Variants in MARK3 observed in about 807,000 individuals in gnomAD.
The protein encoded by MARK3 is MAP/microtubule affinity-regulating kinase 3.
Under a neutral mutation model 90.1 loss-of-function variants are expected in MARK3, and 46 were observed. The ratio of observed to expected loss-of-function variants is 0.51; its 90% confidence interval spans 0.40 to 0.65. The LOEUF (loss-of-function observed/expected upper bound fraction) is 0.65. Among genes scored for constraint, MARK3 ranks in the 30% least tolerant of loss-of-function variants. The pLI is 0.00. For missense variants in MARK3, 818 were observed against 947.2 expected (o/e 0.86, Z 1.79); for synonymous variants, 321 against 332.6 (o/e 0.97, Z 0.38).
At chr14:103,456,491 A>T (rs888347237) in intron 5 of MARK3, among the ~76,000 whole-genome samples, 1 of 152,178 alleles carries the variant, frequency 6.6e-6, no homozygotes, top group Non-Finnish European at 1.5e-5. Flanking sequence ...CTTACCCCAG[A>T]TAACTACATT....
In MARK3 at chr14:103,492,048, G is replaced by T. The variant is rs762086731; in HGVS notation, c.1844+14G>T. Reference sequence around the variant, plus strand: ...ACTCACAAGGAGGTAAGTGCTAGGTGCTGGTTGTTTTGGAGTGAACACATA... The same window carrying T: ...ACTCACAAGGAGGTAAGTGCTAGGTTCTGGTTGTTTTGGAGTGAACACATA... On this transcript the variant is annotated intron_variant, in intron 15 of 17. Transcript: ENST00000429436. 4.3e-6 allele frequency: 7 copies of T among 1,612,608 alleles called. No individual in the cohort carries two copies. In the Middle Eastern group the frequency reaches 5.0e-4, roughly 115 times the overall value.
chr14:103,458,675 T>G (rs1321620455), intron 6 of MARK3: 1 of 656,470 alleles, frequency 1.5e-6, no homozygotes, highest in Non-Finnish European at 2.7e-6. Flanking sequence ...GAAATGGAAT[T>G]ATAGCCTCAT....
At chr14:103,452,105 T>C in intron 5 of MARK3, 122 bp downstream of exon 5, 1 of 611,594 alleles carries the variant, frequency 1.6e-6, no homozygotes, top group Non-Finnish European at 2.8e-6. Flanking sequence ...CATAATACGC[T>C]AGGATGAGAG....
chr14:103,475,349 C>G (rs748405049), intron 13 of MARK3, 139 bp downstream of exon 13: 1 of 651,620 alleles, frequency 1.5e-6, no homozygotes, highest in Non-Finnish European at 2.7e-6. Context: ...TCTTAACTTA[C>G]AGAAATCCTA....
At chr14:103,431,975 T>TCCC (rs1398790678) in intron 3 of MARK3, among the ~76,000 whole-genome samples, 2 of 139,712 alleles carry the variant, frequency 1.4e-5, no homozygotes, top group African/African-American at 6.3e-5. Context: ...TTGGAATTGT[T>TCCC]TCCCCCCTCC....
chr14:103,400,898 CAAA>C (rs34861063), intron 1 of MARK3, among the ~76,000 whole-genome samples: 3 of 70,060 alleles, frequency 4.3e-5, no homozygotes, highest in Admixed American at 2.0e-4. Flanking sequence ...GACCCTGTCT[CAAA>C]AAAAAAAAAA....
chr14:103,393,292 C>A (rs1223984395), intron 1 of MARK3, among the ~76,000 whole-genome samples: 1 of 152,110 alleles, frequency 6.6e-6, no homozygotes, highest in Non-Finnish European at 1.5e-5. Flanking sequence ...CCGGCTTAAT[C>A]AGCTTGTCAA....
At chr14:103,432,027 A>AT (rs1335324860) in intron 3 of MARK3, among the ~76,000 whole-genome samples, 1 of 147,674 alleles carries the variant, frequency 6.8e-6, no homozygotes, top group Non-Finnish European at 1.5e-5. Flanking sequence ...CATTTAATTG[A>AT]TTTTCTGCCT....
At position 103,503,193 on chromosome 14, in the gene MARK3, T is replaced by C; in HGVS notation, c.2228T>C (p.Ile743Thr). Residue 743 changes from isoleucine (I) to threonine (T), a missense_variant, in exon 18 of 18, where the codon ATT becomes ACT. Ile to Thr is a moderately conservative substitution (Grantham distance 89). Transcript: ENST00000429436. ...ISGTSIAFKN[I>T]ASKIANELKL is the part of the protein sequence containing the mutation. ...GGGACATCCATAGCCTTCAAAAATATTGCTTCCAAAATTGCCAATGAGCTA... is the reference window on the plus strand; with the variant it reads ...GGGACATCCATAGCCTTCAAAAATACTGCTTCCAAAATTGCCAATGAGCTA... 9 of 1,611,542 alleles carry C rather than the reference T, an allele frequency of 5.6e-6. No individual in the cohort carries two copies. The highest frequency in any genetic ancestry group is 1.7e-4 in the Middle Eastern group (1 of 6,054).
At position 103,386,094 on chromosome 14, in the gene MARK3, G is replaced by A; in HGVS notation, c.51+14G>A. The A allele has an allele frequency of 6.2e-7, 1 of 1,614,014 alleles. No individual in the cohort carries two copies. On this transcript the variant is annotated intron_variant, in intron 1 of 17. Transcript: ENST00000429436. ...GACACTGAAAACGTAAGTAACCTGG[G>A]CGTTGTAGTTGGCGGACCTTCGGGG...
chr14:103,503,651 A>G lies in MARK3; in HGVS notation c.*424A>G, dbSNP rs2075783433. The stretch of plus-strand genomic sequence containing the variant: ...GGAAAATACTGAATGACTGCTAAGA[A>G]TTAACCTTAAGACCAGTTCATAGTT... On this transcript the variant is annotated 3_prime_UTR_variant, in exon 18 of 18. Transcript: ENST00000429436. The G allele has an allele frequency of 5.8e-6, 1 of 172,016 alleles. No homozygotes were observed. The allele number at this position is 172,016 out of a possible 1,614,324, so 10.7% of individuals were successfully genotyped here.
At chr14:103,435,095 A>T (rs1455672577) in intron 3 of MARK3, among the ~76,000 whole-genome samples, 1 of 152,128 alleles carries the variant, frequency 6.6e-6, no homozygotes, top group East Asian at 1.9e-4. Flanking sequence ...AAGCAAGGAG[A>T]ACCAGTTCAT....
chr14:103,419,561 G>A (rs764205170), intron 2 of MARK3, among the ~76,000 whole-genome samples: 8 of 152,096 alleles, frequency 5.3e-5, no homozygotes, highest in African/African-American at 1.2e-4. Flanking sequence ...AAGTTAGCTG[G>A]GTTCCTGTGT....
intron 3 of MARK3, among the ~76,000 whole-genome samples, chr14:103,431,086 G>A (rs2092567519): frequency 6.6e-6 from 1 of 151,696 alleles, no homozygotes; most frequent in Admixed American, 6.6e-5. Context: ...TTGTTCGTTT[G>A]TTTTTGTTTT....
At chr14:103,461,225 A>G (rs1347207932) in intron 6 of MARK3, among the ~76,000 whole-genome samples, 1 of 152,248 alleles carries the variant, frequency 6.6e-6, no homozygotes, top group Non-Finnish European at 1.5e-5. Context: ...GCAGAATACC[A>G]AAGAAAAGAC....
intron 2 of MARK3, among the ~76,000 whole-genome samples, chr14:103,426,124 C>G (rs905995682): frequency 1.3e-5 from 2 of 152,100 alleles, no homozygotes; most frequent in African/African-American, 2.4e-5. Context: ...CTGTCTCTCA[C>G]AAGTGTAGAG....
intron 3 of MARK3, among the ~76,000 whole-genome samples, chr14:103,439,464 A>G (rs964340351): frequency 6.6e-6 from 1 of 152,196 alleles, no homozygotes; most frequent in African/African-American, 2.4e-5. Flanking sequence ...GCTGGAGTGC[A>G]GTAGTGCGAT....
intron 3 of MARK3, among the ~76,000 whole-genome samples, chr14:103,439,664 C>T (rs1297657309): frequency 6.7e-6 from 1 of 149,048 alleles, no homozygotes; most frequent in East Asian, 2.0e-4. Context: ...CCACCTCAGC[C>T]TCCCAAAGTG....
At position 103,502,862 on chromosome 14, in the gene MARK3, C is replaced by T. The variant is rs758608410; in HGVS notation, c.1917-20C>T. ...ATTTTCCTGTACGATTAAAAATAAA[C>T]CTGCCTCTATGCATTTCAGTCGCAA... On this transcript the variant is annotated intron_variant, in intron 17 of 17. Transcript: ENST00000429436. The T allele has an allele frequency of 6.3e-7, 1 of 1,582,242 alleles. No individual in the cohort carries two copies. The highest frequency in any genetic ancestry group is 8.6e-7 in the Non-Finnish European group (1 of 1,159,210).
Sources: gnomAD v4.1 joint callset for allele counts (sites outside exome capture counted in the v4.1 genomes callset) on GRCh38, gnomAD v4.1.1 for gene constraint, MANE v1.5 for transcripts, NCBI Gene and HGNC (gene_info 2026-07-23, HGNC 2026-07-21) for gene names.